DNAAF11: variants seen among roughly 807,000 people sequenced by gnomAD.
DNAAF11 encodes leucine rich repeat containing 6.
In DNAAF11, 45 loss-of-function variants were observed where a neutral mutation model predicts 60.8. The ratio of observed to expected loss-of-function variants is 0.74; its 90% confidence interval spans 0.58 to 0.95. The LOEUF is 0.95. Ranked by LOEUF, DNAAF11 falls within the 40% of genes least tolerant of loss-of-function variation. DNAAF11 has a pLI of 0.00. For synonymous variants in DNAAF11, 191 were observed against 183.5 expected (o/e 1.04, Z -0.33); for missense variants, 546 against 546.2 (o/e 1.00, Z 0.00).
rs1348744601 is a variant in DNAAF11, at chr8:132,572,335, CT to C, written c.1371del (p.Asp458ThrfsTer8). On this transcript the variant is annotated frameshift_variant, in exon 12 of 12. Coordinates refer to ENST00000620350, the MANE Select transcript of DNAAF11 (RefSeq NM_012472.6). LOFTEE classifies it high-confidence loss of function. ...ATCAGCGGAGGCACTTCAGGGTTGT[CT>C]TCAAAGGTTGGGTCTTCCTCACTTG... Reference protein sequence around the residue: ...IIPSEEDPTFEDNPEVPPLI With the variant: ...IIPSEEDPTFXDNPEVPPLI The C allele has an allele frequency of 3.1e-6, 5 of 1,613,500 alleles. No homozygotes were observed. In the African/African-American group the frequency reaches 5.3e-5, roughly 17 times the overall value.
intron 11 of DNAAF11, among the ~76,000 whole-genome samples, chr8:132,578,795 G>A (rs1815024461): frequency 6.6e-6 from 1 of 152,226 alleles, no homozygotes; most frequent in Admixed American, 6.5e-5. Context: ...AGAAGGAGGA[G>A]CAGAGGCCTG....
At chr8:132,617,420 G>A (rs1006513053) in intron 7 of DNAAF11, among the ~76,000 whole-genome samples, 2 of 152,178 alleles carry the variant, frequency 1.3e-5, no homozygotes, top group Admixed American at 1.3e-4. Context: ...TTGTGAATGG[G>A]AGTTCACTCA....
the DNAAF11 span, among the ~76,000 whole-genome samples, chr8:132,693,962 G>A: frequency 5.4e-4 from 82 of 152,286 alleles, no homozygotes; most frequent in African/African-American, 1.9e-3. Flanking sequence ...GCAATTGGAA[G>A]ATTTGAGCAA....
At chr8:132,688,412 G>A in the DNAAF11 span, among the ~76,000 whole-genome samples, 2 of 152,166 alleles carry the variant, frequency 1.3e-5, no homozygotes, top group Non-Finnish European at 2.9e-5. Context: ...TACTCTCCAT[G>A]AGGGTTTGTA....
chr8:132,658,036 A>T (rs1324382961), intron 2 of DNAAF11, among the ~76,000 whole-genome samples: 1 of 152,206 alleles, frequency 6.6e-6, no homozygotes, highest in Non-Finnish European at 1.5e-5. Flanking sequence ...TCCTCTGCCC[A>T]TTTCTCAGGT....
Position 132,632,778 on chromosome 8 carries a change from G to C in DNAAF11, c.615C>G (p.Gly205=). The C allele has an allele frequency of 6.2e-7, 1 of 1,613,748 alleles. No homozygotes were observed. The highest frequency in any genetic ancestry group is 8.5e-7 in the Non-Finnish European group (1 of 1,179,692). Reference sequence around the variant, plus strand: ...TGTCTGTGTACCAACGTCCATCAAAGCCTGCGTTACTTCTCTTGTCTTCAT... The same window carrying C: ...TGTCTGTGTACCAACGTCCATCAAACCCTGCGTTACTTCTCTTGTCTTCAT... ...DKNEDKRSNA[G]FDGRWYTDIN... is the part of the protein sequence containing the mutation. Residue 205 remains glycine (G), a synonymous_variant, in exon 5 of 12, where the codon GGC becomes GGG. Transcript: ENST00000620350.
chr8:132,693,448 AGT>A, the DNAAF11 span, among the ~76,000 whole-genome samples: 72,105 of 148,328 alleles, frequency 0.49, 18,161 homozygotes, highest in African/African-American at 0.65. Flanking sequence ...AATGTATGTG[AGT>A]GTGTGTGTGT....
At chr8:132,626,762 G>A (rs1820323919) in intron 5 of DNAAF11, among the ~76,000 whole-genome samples, 1 of 152,072 alleles carries the variant, frequency 6.6e-6, no homozygotes, top group Non-Finnish European at 1.5e-5. Context: ...ATTACATGAA[G>A]CCTTTAATAC....
chr8:132,614,596 C>T (rs1818966779), intron 8 of DNAAF11, among the ~76,000 whole-genome samples: 1 of 152,046 alleles, frequency 6.6e-6, no homozygotes, highest in Non-Finnish European at 1.5e-5. Flanking sequence ...TGTGAGAGGG[C>T]AGCAGGGAAG....
At chr8:132,623,488 T>C (rs529521523) in intron 6 of DNAAF11, among the ~76,000 whole-genome samples, 1 of 151,990 alleles carries the variant, frequency 6.6e-6, no homozygotes, top group Non-Finnish European at 1.5e-5. Flanking sequence ...AAGGGTTGGA[T>C]AGGAGGTAAA....
intron 10 of DNAAF11, among the ~76,000 whole-genome samples, chr8:132,602,796 G>A (rs781116435): frequency 1.3e-5 from 2 of 150,776 alleles, no homozygotes; most frequent in South Asian, 2.1e-4. Flanking sequence ...ATACATATGC[G>A]TGTATGTTTG....
intron 1 of DNAAF11, among the ~76,000 whole-genome samples, chr8:132,670,857 T>C (rs935552363): frequency 2.0e-5 from 3 of 152,290 alleles, no homozygotes; most frequent in Middle Eastern, 3.4e-3. Context: ...AAAGTGATAA[T>C]GTCAGTAGAG....
chr8:132,610,210 TAG>T lies in DNAAF11; in HGVS notation c.1094_1095del (p.Ala365GlufsTer56). ...AAATGACCCGTTGTCTGAGATCTTT[TAG>T]CAGAACTACTATCGGGTTTCACTTC... ...PAEVKPDSSS[A>X]KRSQTTGHLV... On this transcript the variant is annotated frameshift_variant, in exon 10 of 12. Transcript: ENST00000620350. LOFTEE classifies it high-confidence loss of function. 1 of 1,614,056 alleles carries T rather than the reference TAG, an allele frequency of 6.2e-7. No individual in the cohort carries two copies. Among genetic ancestry groups the T allele is most frequent in the Non-Finnish European group, 8.5e-7 (1 of 1,179,952 alleles).
At chr8:132,677,433 TA>T (rs111512865), upstream of DNAAF11, among the ~76,000 whole-genome samples, 2 of 150,526 alleles carry the variant, frequency 1.3e-5, no homozygotes, top group African/African-American at 2.4e-5. Context: ...TAATAAAAAT[TA>T]AAAAAAAATA....
At chr8:132,684,786 T>G in the DNAAF11 span, among the ~76,000 whole-genome samples, 1 of 152,248 alleles carries the variant, frequency 6.6e-6, no homozygotes, top group East Asian at 1.9e-4. Flanking sequence ...CTAATCCTTT[T>G]GATTCTGTTG....
chr8:132,623,685 A>G (rs1819975423), intron 6 of DNAAF11, among the ~76,000 whole-genome samples: 1 of 152,132 alleles, frequency 6.6e-6, no homozygotes, highest in South Asian at 2.1e-4. Context: ...TTAAATTTCT[A>G]TTGTACTTTT....
intron 7 of DNAAF11, among the ~76,000 whole-genome samples, chr8:132,621,690 C>T (rs1243917807): frequency 1.3e-5 from 2 of 152,146 alleles, no homozygotes; most frequent in African/African-American, 4.8e-5. Flanking sequence ...AGTGTTCTGT[C>T]TTGCATTCCT....
chr8:132,628,019 T>C (rs1202716983), intron 5 of DNAAF11, among the ~76,000 whole-genome samples: 5 of 152,142 alleles, frequency 3.3e-5, no homozygotes, highest in Admixed American at 3.3e-4. Context: ...CCACTGATAA[T>C]CCACCCCCTA....
At chr8:132,688,108 C>T in the DNAAF11 span, among the ~76,000 whole-genome samples, 1 of 152,182 alleles carries the variant, frequency 6.6e-6, no homozygotes, top group Non-Finnish European at 1.5e-5. Flanking sequence ...GCTGCGATAA[C>T]AGCATTAATA....
Sources: allele counts gnomAD v4.1 joint callset (sites outside exome capture counted in the v4.1 genomes callset), GRCh38; gene constraint gnomAD v4.1.1; transcripts MANE v1.5; gene names NCBI Gene and HGNC (gene_info 2026-07-23, HGNC 2026-07-21).